Variants in SOX6 observed in about 807,000 individuals in gnomAD.
SOX6 encodes SRY-box transcription factor 6, also known as transcription factor SOX-6.
A neutral mutation model predicts 97.8 loss-of-function variants in SOX6; 11 were observed. The observed-to-expected ratio is 0.11, with a 90% CI of 0.07 to 0.19. The LOEUF (loss-of-function observed/expected upper bound fraction) is 0.19, where lower values mean the gene tolerates loss of function less well. Ranked by LOEUF, SOX6 falls within the 10% of genes least tolerant of loss-of-function variation. The pLI is 1.00. For missense variants in SOX6, 810 were observed against 1,039.5 expected, an observed-to-expected ratio of 0.78 and a Z score of 3.04; for synonymous variants, 360 against 371.4, an observed-to-expected ratio of 0.97 and a Z score of 0.35.
intron 1 of SOX6, among the ~76,000 whole-genome samples, chr11:16,400,625 A>T (rs767902276): frequency 2.6e-5 from 4 of 151,460 alleles, no homozygotes; most frequent in African/African-American, 9.7e-5. Context: ...GTTTTTAGAT[A>T]CAAAAATGTA....
chr11:16,197,140 G>A (rs529413912), intron 4 of SOX6, among the ~76,000 whole-genome samples: 40 of 151,928 alleles, frequency 2.6e-4, no homozygotes, highest in Admixed American at 8.5e-4. Flanking sequence ...AACATCCTCT[G>A]GCTTTTTAGT....
intron 9 of SOX6, among the ~76,000 whole-genome samples, chr11:16,067,472 A>C (rs1848119574): frequency 6.6e-6 from 1 of 152,040 alleles, no homozygotes; most frequent in Non-Finnish European, 1.5e-5. Flanking sequence ...ACCATGTAAG[A>C]CGTGCCTTTG....
At chr11:16,719,975 T>C (rs1436435036) in intron 2 of SOX6, among the ~76,000 whole-genome samples, 1 of 152,134 alleles carries the variant, frequency 6.6e-6, no homozygotes, top group Non-Finnish European at 1.5e-5. Context: ...ATTAGTAAAT[T>C]ATAAAGACAT....
intron 2 of SOX6, among the ~76,000 whole-genome samples, chr11:16,319,592 G>A (rs996431496): frequency 3.3e-5 from 5 of 150,412 alleles, no homozygotes; most frequent in South Asian, 4.2e-4. Context: ...AACATGCGGC[G>A]TTTGGTTTTT....
chr11:16,405,974 T>C (rs1031862261), intron 1 of SOX6, among the ~76,000 whole-genome samples: 1 of 152,100 alleles, frequency 6.6e-6, no homozygotes, highest in Non-Finnish European at 1.5e-5. Context: ...CATTTCCTAC[T>C]GTATGAACTT....
At chr11:16,371,947 T>A (rs1590166419) in intron 1 of SOX6, among the ~76,000 whole-genome samples, 1 of 152,072 alleles carries the variant, frequency 6.6e-6, no homozygotes, top group Admixed American at 6.6e-5. Context: ...AATGGCTGGG[T>A]CATAGATAAT....
At chr11:16,620,676 T>C (rs1848534016) in intron 3 of SOX6, among the ~76,000 whole-genome samples, 1 of 152,222 alleles carries the variant, frequency 6.6e-6, no homozygotes, top group Non-Finnish European at 1.5e-5. Context: ...GGTGATCATA[T>C]ATAATTATTT....
At chr11:16,371,214 C>T (rs952696183) in intron 1 of SOX6, among the ~76,000 whole-genome samples, 3 of 152,036 alleles carry the variant, frequency 2.0e-5, no homozygotes, top group Non-Finnish European at 1.5e-5. Flanking sequence ...ATACCAAGCA[C>T]ACTTCTACCT....
At chr11:16,142,695 G>A (rs1056087679) in intron 6 of SOX6, among the ~76,000 whole-genome samples, 5 of 152,124 alleles carry the variant, frequency 3.3e-5, no homozygotes, top group African/African-American at 4.8e-5. Flanking sequence ...TGAGAACTAC[G>A]TGACGAATGC....
Position 15,967,594 on chromosome 11 carries a change from T to G in SOX6, c.*5215A>C, listed in dbSNP as rs1221326300. ...CTAAGCATTCTAATTTGCTACAAGC[T>G]GGAGGAGGGTACAATAAAGACTGCA... On this transcript the variant is annotated 3_prime_UTR_variant, in exon 16 of 16. Coordinates refer to ENST00000683767, the MANE Select transcript of SOX6 (RefSeq NM_001367873.1). 1.3e-5 allele frequency: 2 copies of G among 152,148 alleles called. No individual in the cohort carries two copies. Among genetic ancestry groups the G allele is most frequent in the Non-Finnish European group, 2.9e-5 (2 of 68,032 alleles). 9.4% of individuals were successfully genotyped at this position (152,148 alleles called of 1,614,324 possible). A position where few individuals can be genotyped will look rare whatever the true frequency, so the allele number is the denominator to read the frequency against.
chr11:16,404,909 G>A (rs1335326031), intron 1 of SOX6, among the ~76,000 whole-genome samples: 1 of 151,918 alleles, frequency 6.6e-6, no homozygotes, highest in Non-Finnish European at 1.5e-5. Context: ...TCTTTTCCTT[G>A]ATCAACCAGT....
chr11:16,277,013 C>T (rs1374272150), intron 3 of SOX6, among the ~76,000 whole-genome samples: 1 of 152,126 alleles, frequency 6.6e-6, no homozygotes, highest in African/African-American at 2.4e-5. Flanking sequence ...AAATGCTCAC[C>T]ATGCCTAGCA....
At chr11:16,475,910 T>A (rs1860237634) in intron 1 of SOX6, among the ~76,000 whole-genome samples, 1 of 152,178 alleles carries the variant, frequency 6.6e-6, no homozygotes, top group South Asian at 2.1e-4. Context: ...TCACATCTTC[T>A]CTATGGGCAT....
intron 4 of SOX6, among the ~76,000 whole-genome samples, chr11:16,533,594 C>T (rs927761212): frequency 6.6e-6 from 1 of 151,882 alleles, no homozygotes; most frequent in African/African-American, 2.4e-5. Flanking sequence ...AGATTATATA[C>T]CCTCATTGAA....
intron 9 of SOX6, among the ~76,000 whole-genome samples, chr11:16,090,472 A>C (rs1256535237): frequency 6.6e-6 from 1 of 152,102 alleles, no homozygotes; most frequent in Non-Finnish European, 1.5e-5. Context: ...AAGCATTAGG[A>C]ATTGCCTTTA....
At chr11:16,218,147 G>A (rs1173859817) in intron 4 of SOX6, among the ~76,000 whole-genome samples, 2 of 152,012 alleles carry the variant, frequency 1.3e-5, no homozygotes, top group African/African-American at 2.4e-5. Context: ...GCACAGACTG[G>A]ATTTTAATTT....
At chr11:16,651,594 C>T (rs1847654433) in intron 3 of SOX6, among the ~76,000 whole-genome samples, 1 of 152,132 alleles carries the variant, frequency 6.6e-6, no homozygotes, top group African/African-American at 2.4e-5. Flanking sequence ...TTACAACCCT[C>T]AGCAAAATTG....
intron 4 of SOX6, among the ~76,000 whole-genome samples, chr11:16,189,441 A>G (rs914659955): frequency 2.6e-5 from 4 of 151,484 alleles, no homozygotes; most frequent in African/African-American, 9.7e-5. Context: ...GTGTGTGTGT[A>G]CACATATGTT....
intron 1 of SOX6, among the ~76,000 whole-genome samples, chr11:16,466,930 C>CAAAAAA (rs764424447): frequency 4.6e-4 from 19 of 41,534 alleles, no homozygotes; most frequent in South Asian, 1.6e-3. Flanking sequence ...GACTCCGTCT[C>CAAAAAA]AAAAAAAAAA....
Sources: allele counts gnomAD v4.1 joint callset (sites outside exome capture counted in the v4.1 genomes callset), GRCh38; gene constraint gnomAD v4.1.1; transcripts MANE v1.5; gene names NCBI Gene and HGNC (gene_info 2026-07-23, HGNC 2026-07-21).